NBEA: variants seen among roughly 807,000 people sequenced by gnomAD.
The protein encoded by NBEA is lysosomal-trafficking regulator 2.
A neutral mutation model predicts 343.4 loss-of-function variants in NBEA; 44 were observed. The ratio of observed to expected loss-of-function variants is 0.13; its 90% CI spans 0.10 to 0.16. NBEA has a LOEUF of 0.16. Among genes scored for constraint, NBEA ranks in the 10% least tolerant of loss-of-function variants. The pLI is 1.00. For synonymous variants in NBEA, 1,175 were observed against 1,238.7 expected (o/e 0.95, Z 1.08); for missense variants, 2,555 against 3,631.3 (o/e 0.70, Z 7.62).
At chr13:35,219,595 T>C (rs1180933401) in intron 33 of NBEA, among the ~76,000 whole-genome samples, 1 of 152,156 alleles carries the variant, frequency 6.6e-6, no homozygotes, top group East Asian at 1.9e-4. Flanking sequence ...CACATGATTA[T>C]GGAAACTGAA....
intron 33 of NBEA, among the ~76,000 whole-genome samples, chr13:35,213,836 C>T (rs1352942946): frequency 6.6e-6 from 1 of 151,828 alleles, no homozygotes; most frequent in African/African-American, 2.4e-5. Context: ...TCCACATAAC[C>T]ACCACCACAA....
intron 41 of NBEA, among the ~76,000 whole-genome samples, chr13:35,517,878 A>G (rs1182352383): frequency 6.6e-6 from 1 of 152,228 alleles, no homozygotes; most frequent in Admixed American, 6.5e-5. Flanking sequence ...GATACTTAAT[A>G]AATATTTGTT....
At chr13:35,410,661 A>G (rs2043528919) in intron 38 of NBEA, among the ~76,000 whole-genome samples, 1 of 152,152 alleles carries the variant, frequency 6.6e-6, no homozygotes. Flanking sequence ...GTCCATCCCT[A>G]AAGAACTGAG....
rs147787560 is a variant in NBEA at position 35,423,874 on chromosome 13, T to G, written c.6180-8395T>G. 7.9e-3 allele frequency among the ~76,000 whole-genome samples: 1,198 copies of G among 152,318 alleles called. 15 individuals are homozygous for G. Among genetic ancestry groups the G allele is most frequent in the African/African-American group, 0.028 (1,160 of 41,552 alleles). On this transcript the variant is annotated intron_variant, in intron 38 of 58. Coordinates refer to ENST00000379939, the MANE Select transcript of NBEA (RefSeq NM_001385012.1). ...TTGAAGAGGTCCTTCATATCCGTTG[T>G]AAGTTGGATTCCTAGGTATTTTATT...
rs1287136598 is a variant in NBEA, at chr13:35,159,440, T to C, written c.3269T>C (p.Val1090Ala). ...TLVGGENGAL[V>A]EVESLLDNVY... ...GTAGGTGGAGAGAATGGTGCCCTTG[T>C]GGAGGTTGAATCTCTGTTGGATAAT... Residue 1090 changes from valine to alanine, a missense_variant, in exon 22 of 59, where the codon GTG (valine) becomes GCG (alanine). Transcript: ENST00000379939. 1.9e-6 allele frequency: 3 copies of C among 1,613,424 alleles called. No individual in the cohort carries two copies. Among genetic ancestry groups the C allele is most frequent in the South Asian group, 1.1e-5 (1 of 91,062 alleles).
At chr13:34,982,922 C>A (rs2152508297) in intron 1 of NBEA, among the ~76,000 whole-genome samples, 1 of 152,112 alleles carries the variant, frequency 6.6e-6, no homozygotes, top group African/African-American at 2.4e-5. Context: ...CTTTTAATTA[C>A]TTAATATTTC....
At chr13:35,631,113 C>A (rs1184798088) in intron 49 of NBEA, among the ~76,000 whole-genome samples, 1 of 152,132 alleles carries the variant, frequency 6.6e-6, no homozygotes, top group African/African-American at 2.4e-5. Context: ...GTAAGTGAGG[C>A]CGAGTCATTC....
intron 36 of NBEA, among the ~76,000 whole-genome samples, chr13:35,318,263 G>A (rs1035173634): frequency 6.6e-6 from 1 of 152,116 alleles, no homozygotes; most frequent in Non-Finnish European, 1.5e-5. Flanking sequence ...TTATTATTTT[G>A]AGATACATTC....
chr13:35,215,457 A>C (rs1408747670), intron 33 of NBEA, among the ~76,000 whole-genome samples: 1 of 151,726 alleles, frequency 6.6e-6, no homozygotes, highest in Non-Finnish European at 1.5e-5. Context: ...CCAGACCAAA[A>C]AGAGTACATA....
intron 41 of NBEA, among the ~76,000 whole-genome samples, chr13:35,497,253 T>C (rs990168299): frequency 2.0e-5 from 3 of 152,102 alleles, no homozygotes; most frequent in South Asian, 2.1e-4. Context: ...TATGATTTCA[T>C]ATACACATAC....
intron 34 of NBEA, among the ~76,000 whole-genome samples, chr13:35,285,244 G>A (rs1229906552): frequency 6.6e-6 from 1 of 152,032 alleles, no homozygotes; most frequent in East Asian, 1.9e-4. Context: ...GCTTGGGAAA[G>A]TTGGCAAAAC....
chr13:35,429,801 G>GTGTGTA (rs1491270667), intron 38 of NBEA, among the ~76,000 whole-genome samples: 4 of 4,252 alleles, frequency 9.4e-4, no homozygotes, highest in African/African-American at 3.0e-3. Context: ...AGTCCCCAAC[G>GTGTGTA]TGTGTGTGTG....
intron 36 of NBEA, among the ~76,000 whole-genome samples, chr13:35,311,833 G>A (rs538294877): frequency 2.6e-5 from 4 of 152,018 alleles, no homozygotes; most frequent in South Asian, 2.1e-4. Context: ...CAGCCTGGGC[G>A]ATGAGAGCGA....
At chr13:35,258,315 G>A (rs1290729361) in intron 34 of NBEA, among the ~76,000 whole-genome samples, 1 of 151,878 alleles carries the variant, frequency 6.6e-6, no homozygotes, top group Non-Finnish European at 1.5e-5. Flanking sequence ...TTACAGGCAT[G>A]CGCCACCACA....
chr13:35,491,775 G>A (rs2076508885), intron 41 of NBEA, among the ~76,000 whole-genome samples: 1 of 151,922 alleles, frequency 6.6e-6, no homozygotes, highest in South Asian at 2.1e-4. Context: ...ATATTCCTCT[G>A]TGAGGAATAT....
intron 41 of NBEA, among the ~76,000 whole-genome samples, chr13:35,489,704 GT>G (rs1255472512): frequency 6.6e-6 from 1 of 151,772 alleles, no homozygotes; most frequent in Admixed American, 6.6e-5. Context: ...AACATTTTAT[GT>G]TTTTGTTTAA....
intron 11 of NBEA, among the ~76,000 whole-genome samples, chr13:35,107,835 G>C (rs1358833098): frequency 6.6e-6 from 1 of 152,008 alleles, no homozygotes; most frequent in Non-Finnish European, 1.5e-5. Flanking sequence ...TGGTAAAGCA[G>C]GGAAGCAAAC....
chr13:35,207,207 T>A lies in NBEA; in HGVS notation c.5367-1493T>A, dbSNP rs757858832. Among the ~76,000 whole-genome samples, 61 of 152,114 alleles carry A rather than the reference T, an allele frequency of 4.0e-4. 1 individual carries two copies. Among genetic ancestry groups the A allele is most frequent in the Non-Finnish European group, 6.2e-4 (42 of 67,972 alleles). On this transcript the variant is annotated intron_variant, in intron 31 of 58. Coordinates refer to ENST00000379939, the MANE Select transcript of NBEA (RefSeq NM_001385012.1). Reference sequence around the variant, plus strand: ...AACATTAAAGAAGTCACTGAAGATATTAACAAAACCACTTATTTGTGGAAA... The same window carrying A: ...AACATTAAAGAAGTCACTGAAGATAATAACAAAACCACTTATTTGTGGAAA...
intron 36 of NBEA, among the ~76,000 whole-genome samples, chr13:35,345,904 C>G (rs1229272173): frequency 6.6e-6 from 1 of 151,962 alleles, no homozygotes; most frequent in Admixed American, 6.6e-5. Context: ...GTTAATCAGT[C>G]AAAGAATTGT....
Sources: gnomAD v4.1 joint callset for allele counts (sites outside exome capture counted in the v4.1 genomes callset) on GRCh38, gnomAD v4.1.1 for gene constraint, MANE v1.5 for transcripts, NCBI Gene and HGNC (gene_info 2026-07-23, HGNC 2026-07-21) for gene names.